The following TMEM273 variants were observed in gnomAD, a reference collection of about 807,000 sequenced individuals.
TMEM273 encodes the protein transmembrane protein 273, also known as chromosome 10 open reading frame 128.
In TMEM273, 19 loss-of-function variants were observed where a neutral mutation model predicts 17.9. That is an observed-to-expected ratio of 1.06 (90% CI 0.74 to 1.55). The LOEUF (loss-of-function observed/expected upper bound fraction) is 1.55. Among genes scored for constraint, TMEM273 ranks in the 40% most tolerant of loss-of-function variants. The pLI is 0.00. For synonymous variants in TMEM273, 66 were observed against 62.0 expected (o/e 1.07, Z -0.31); for missense variants, 194 against 155.6 (o/e 1.25, Z -1.31).
chr10:49,188,157 G>A (rs1847838282), intron 1 of TMEM273, 137 bp downstream of exon 1: 1 of 998,864 alleles, frequency 1.0e-6, no homozygotes, highest in African/African-American at 1.6e-5. Context: ...CTCACTACCA[G>A]ATCAAAGTGA....
chr10:49,155,129 T>G lies in TMEM273; in HGVS notation c.*763A>C, dbSNP rs1845438884. 1 of 152,340 alleles carries G rather than the reference T, an allele frequency of 6.6e-6. No homozygotes were observed. Among genetic ancestry groups the G allele is most frequent in the Non-Finnish European group, 1.5e-5 (1 of 68,140 alleles). The allele number at this position is 152,340 out of a possible 1,614,324, so 9.4% of individuals were successfully genotyped here. A position where few individuals can be genotyped will look rare whatever the true frequency, so the allele number is the denominator to read the frequency against. On this transcript the variant is annotated 3_prime_UTR_variant, in exon 7 of 7. Coordinates refer to ENST00000374153, the MANE Select transcript of TMEM273 (RefSeq NM_001288740.3). ...AGTCATGTCTTCTATGCAACAGCCA[T>G]GTACATTGTAATAATAACCACAAAA...
intron 1 of TMEM273, among the ~76,000 whole-genome samples, chr10:49,177,178 C>T (rs1034950072): frequency 1.3e-5 from 2 of 152,226 alleles, no homozygotes; most frequent in Admixed American, 6.5e-5. Flanking sequence ...TTACCCAAGC[C>T]CTGGCTTTTC....
chr10:49,183,092 G>T (rs1371784024), intron 1 of TMEM273, among the ~76,000 whole-genome samples: 1 of 152,220 alleles, frequency 6.6e-6, no homozygotes, highest in African/African-American at 2.4e-5. Context: ...TGACACAGTT[G>T]GTCACCCCCG....
At chr10:49,187,663 T>G (rs1847810213) in intron 1 of TMEM273, among the ~76,000 whole-genome samples, 1 of 152,238 alleles carries the variant, frequency 6.6e-6, no homozygotes, top group African/African-American at 2.4e-5. Flanking sequence ...TTCCTCTCTG[T>G]CTACTTCTCT....
rs773145171 is a variant in TMEM273 at position 49,165,797 on chromosome 10, C to CT, written c.239-2dup. 4 of 1,614,042 alleles carry CT rather than the reference C, an allele frequency of 2.5e-6. No individual in the cohort carries two copies. The highest frequency in any genetic ancestry group is 3.4e-6 in the Non-Finnish European group (4 of 1,180,026). On this transcript the variant is annotated splice_acceptor_variant, in intron 3 of 6. Coordinates refer to ENST00000374153, the MANE Select transcript of TMEM273 (RefSeq NM_001288740.3). LOFTEE classifies it high-confidence loss of function. ...GCTCTCTTCTTTAGCGGGATGGTGTCTAAACAGAGAAAGCCGGGCATTAGG... is the reference window on the plus strand; with the variant it reads ...GCTCTCTTCTTTAGCGGGATGGTGTCTTAAACAGAGAAAGCCGGGCATTAGG...
intron 1 of TMEM273, among the ~76,000 whole-genome samples, chr10:49,181,635 T>C (rs1847345891): frequency 6.6e-6 from 1 of 152,192 alleles, no homozygotes; most frequent in Non-Finnish European, 1.5e-5. Context: ...CCAACAGTGC[T>C]GGACCAATTA....
chr10:49,157,848 G>A (rs915268119), intron 6 of TMEM273, among the ~76,000 whole-genome samples: 1 of 152,156 alleles, frequency 6.6e-6, no homozygotes, highest in Non-Finnish European at 1.5e-5. Flanking sequence ...AATCAGAGAG[G>A]AGAAGACAAT....
intron 1 of TMEM273, among the ~76,000 whole-genome samples, chr10:49,184,241 A>G (rs1283736183): frequency 6.6e-6 from 1 of 152,040 alleles, no homozygotes; most frequent in Non-Finnish European, 1.5e-5. Flanking sequence ...ACTTTAAAGT[A>G]AAAATAACTT....
chr10:49,173,166 C>T (rs1340661984), intron 1 of TMEM273, among the ~76,000 whole-genome samples: 1 of 152,250 alleles, frequency 6.6e-6, no homozygotes, highest in African/African-American at 2.4e-5. Flanking sequence ...CCTAAAGATG[C>T]TTTGAAGCTT....
intron 5 of TMEM273, among the ~76,000 whole-genome samples, chr10:49,164,835 C>T (rs776057894): frequency 2.6e-5 from 4 of 151,940 alleles, no homozygotes; most frequent in Non-Finnish European, 5.9e-5. Context: ...ATAGACCTCC[C>T]GGGACCCCCA....
At chr10:49,183,515 A>T (rs2377948) in intron 1 of TMEM273, among the ~76,000 whole-genome samples, 8,148 of 152,246 alleles carry the variant, frequency 0.054, 714 homozygotes, top group African/African-American at 0.19. Context: ...ATTTTGAAAT[A>T]AAAAAATTTT....
intron 1 of TMEM273, chr10:49,178,454 C>G: frequency 2.7e-6 from 1 of 368,210 alleles, no homozygotes; most frequent in South Asian, 2.0e-5. Flanking sequence ...ATCTCTATGA[C>G]CCTGGAGGGG....
chr10:49,179,075 A>C (rs1017822955), intron 1 of TMEM273, among the ~76,000 whole-genome samples: 35 of 152,136 alleles, frequency 2.3e-4, no homozygotes, highest in Admixed American at 1.6e-3. Flanking sequence ...CATCTGCTTC[A>C]CTCAGACAAG....
intron 5 of TMEM273, among the ~76,000 whole-genome samples, chr10:49,164,928 C>CA (rs1360953875): frequency 6.6e-6 from 1 of 152,108 alleles, no homozygotes; most frequent in Non-Finnish European, 1.5e-5. Context: ...TCTCCTTGAC[C>CA]CCCAGCACCT....
chr10:49,157,852 A>G (rs1845606499), intron 6 of TMEM273, among the ~76,000 whole-genome samples: 1 of 152,246 alleles, frequency 6.6e-6, no homozygotes, highest in Non-Finnish European at 1.5e-5. Flanking sequence ...AGAGAGGAGA[A>G]GACAATTAAA....
At chr10:49,158,227 C>T (rs1845628361) in intron 6 of TMEM273, among the ~76,000 whole-genome samples, 1 of 151,726 alleles carries the variant, frequency 6.6e-6, no homozygotes, top group Non-Finnish European at 1.5e-5. Flanking sequence ...CACTTAACAT[C>T]GTAAAGAAGT....
At chr10:49,158,421 C>T (rs1364836524) in intron 6 of TMEM273, among the ~76,000 whole-genome samples, 3 of 152,098 alleles carry the variant, frequency 2.0e-5, no homozygotes, top group South Asian at 2.1e-4. Flanking sequence ...CCCCAGCTCC[C>T]GCACCATGAA....
intron 1 of TMEM273, among the ~76,000 whole-genome samples, chr10:49,183,353 T>TTG (rs3079989): frequency 0.27 from 40,089 of 148,668 alleles, 5,175 homozygotes; most frequent in Middle Eastern, 0.35. Flanking sequence ...AGGAAACAAA[T>TTG]TGTGTGTGTG....
At chr10:49,163,436 T>A (rs1304600072) in intron 5 of TMEM273, among the ~76,000 whole-genome samples, 1 of 152,066 alleles carries the variant, frequency 6.6e-6, no homozygotes, top group African/African-American at 2.4e-5. Context: ...GCAGAGAACG[T>A]GACATGGCCA....
Sources: gnomAD v4.1 joint callset for allele counts (sites outside exome capture counted in the v4.1 genomes callset) on GRCh38, gnomAD v4.1.1 for gene constraint, MANE v1.5 for transcripts, NCBI Gene and HGNC (gene_info 2026-07-23, HGNC 2026-07-21) for gene names.